SHISA6: variants seen among roughly 807,000 people sequenced by gnomAD.
SHISA6 encodes the protein protein shisa-6.
In SHISA6, 22 loss-of-function variants were observed where a neutral mutation model predicts 47.9. That is an observed-to-expected ratio of 0.46 (90% confidence interval 0.33 to 0.66). SHISA6 has a LOEUF of 0.66. Ranked by LOEUF, SHISA6 falls within the 30% of genes least tolerant of loss-of-function variation. The probability of loss-of-function intolerance (pLI) is 0.02; values close to 1 mark genes in which losing one functional copy is unlikely to be tolerated. For missense variants in SHISA6, 680 were observed against 764.6 expected, an observed-to-expected ratio of 0.89 and a Z score of 1.30; for synonymous variants, 388 against 337.8, an observed-to-expected ratio of 1.15 and a Z score of -1.63.
chr17:11,557,141 G>T (rs186705670), intron 5 of SHISA6, among the ~76,000 whole-genome samples: 2 of 152,302 alleles, frequency 1.3e-5, no homozygotes, highest in African/African-American at 2.4e-5. Context: ...CTTTCTATGC[G>T]TTGCCTGTTA....
chr17:11,411,450 G>A (rs1356732381), intron 3 of SHISA6, among the ~76,000 whole-genome samples: 1 of 151,914 alleles, frequency 6.6e-6, no homozygotes, highest in Non-Finnish European at 1.5e-5. Context: ...AGGCTGGAGT[G>A]CAGTGGCGTG....
chr17:11,273,651 C>T (rs917978988), intron 2 of SHISA6, among the ~76,000 whole-genome samples: 15 of 152,296 alleles, frequency 9.8e-5, no homozygotes, highest in Admixed American at 4.6e-4. Flanking sequence ...TAGGAGCCTT[C>T]ATTATCATAG....
chr17:11,493,204 A>G (rs962344868), intron 3 of SHISA6, among the ~76,000 whole-genome samples: 5 of 152,126 alleles, frequency 3.3e-5, no homozygotes, highest in African/African-American at 1.2e-4. Context: ...CCTAAAAGGA[A>G]ATAATGCAAC....
At chr17:11,384,405 G>T (rs1250539429) in intron 3 of SHISA6, among the ~76,000 whole-genome samples, 3 of 152,238 alleles carry the variant, frequency 2.0e-5, no homozygotes, top group Non-Finnish European at 2.9e-5. Flanking sequence ...GGCAGGGACT[G>T]CCCTTCCTGG....
At chr17:11,259,702 T>G (rs1908152952) in intron 1 of SHISA6, among the ~76,000 whole-genome samples, 1 of 152,186 alleles carries the variant, frequency 6.6e-6, no homozygotes. Context: ...AAATACATAA[T>G]TGGTATTGAA....
At chr17:11,435,076 T>C (rs1185609338) in intron 3 of SHISA6, among the ~76,000 whole-genome samples, 1 of 152,122 alleles carries the variant, frequency 6.6e-6, no homozygotes, top group Non-Finnish European at 1.5e-5. Context: ...GATTAGTGTC[T>C]TAAAAAAAGA....
intron 2 of SHISA6, among the ~76,000 whole-genome samples, chr17:11,335,070 T>TG (rs1232073816): frequency 6.6e-6 from 1 of 152,226 alleles, no homozygotes; most frequent in Non-Finnish European, 1.5e-5. Flanking sequence ...GTAGGACACG[T>TG]GGAAGAATGT....
intron 2 of SHISA6, among the ~76,000 whole-genome samples, chr17:11,320,713 C>G (rs897174400): frequency 2.0e-5 from 3 of 151,800 alleles, no homozygotes; most frequent in Non-Finnish European, 4.4e-5. Context: ...GGAGGAGGAG[C>G]AGCAGCAGCC....
intron 3 of SHISA6, among the ~76,000 whole-genome samples, chr17:11,421,913 G>A (rs1411320275): frequency 6.6e-6 from 1 of 152,154 alleles, no homozygotes; most frequent in Admixed American, 6.6e-5. Flanking sequence ...AGCACAGTTG[G>A]TTGCTCAGTT....
intron 2 of SHISA6, among the ~76,000 whole-genome samples, chr17:11,269,744 A>G (rs138850055): frequency 1.5e-4 from 23 of 152,140 alleles, no homozygotes; most frequent in African/African-American, 5.3e-4. Flanking sequence ...AGCCCTATGG[A>G]GATGGTGAGA....
chr17:11,414,067 T>C (rs1914212007), intron 3 of SHISA6, among the ~76,000 whole-genome samples: 1 of 151,350 alleles, frequency 6.6e-6, no homozygotes, highest in Non-Finnish European at 1.5e-5. Flanking sequence ...TTCCTCTTCC[T>C]CCCCTCTTCT....
chr17:11,330,260 G>A (rs1455292784), intron 2 of SHISA6, among the ~76,000 whole-genome samples: 2 of 152,076 alleles, frequency 1.3e-5, no homozygotes, highest in African/African-American at 4.8e-5. Flanking sequence ...CTGGAGGAGG[G>A]GGAGACAATC....
intron 2 of SHISA6, among the ~76,000 whole-genome samples, chr17:11,294,126 C>T (rs571373990): frequency 1.0e-3 from 156 of 152,216 alleles, no homozygotes; most frequent in African/African-American, 3.7e-3. Flanking sequence ...CCTCGTGATC[C>T]ACTCACCTCG....
chr17:11,242,067 G>A lies in SHISA6; in HGVS notation c.638+7G>A. Reference sequence around the variant, plus strand: ...GGGAGATGAACATCCACAGGTGAGAGCGCCGCGTGCCGCGCGCCCCGGTCT... The same window carrying A: ...GGGAGATGAACATCCACAGGTGAGAACGCCGCGTGCCGCGCGCCCCGGTCT... On this transcript the variant is annotated splice_region_variant and intron_variant, in intron 1 of 5. Transcript: ENST00000441885. 1 of 1,549,726 alleles carries A rather than the reference G, an allele frequency of 6.5e-7. No homozygotes were observed. The highest frequency in any genetic ancestry group is 8.7e-7 in the Non-Finnish European group (1 of 1,146,978).
At chr17:11,420,141 T>A (rs1485148743) in intron 3 of SHISA6, among the ~76,000 whole-genome samples, 1 of 152,108 alleles carries the variant, frequency 6.6e-6, no homozygotes, top group African/African-American at 2.4e-5. Flanking sequence ...AAGGCAGAGG[T>A]TGCAGTGAGC....
intron 2 of SHISA6, among the ~76,000 whole-genome samples, chr17:11,324,463 C>T (rs1910808700): frequency 6.6e-6 from 1 of 152,200 alleles, no homozygotes; most frequent in South Asian, 2.1e-4. Context: ...CAGACAGGGC[C>T]CCTGACCTCG....
intron 3 of SHISA6, among the ~76,000 whole-genome samples, chr17:11,484,064 A>C (rs1213805567): frequency 6.6e-6 from 1 of 152,210 alleles, no homozygotes; most frequent in Admixed American, 6.5e-5. Context: ...TATTTACAAA[A>C]ATTAACCATA....
intron 2 of SHISA6, among the ~76,000 whole-genome samples, chr17:11,294,588 T>A (rs1351929573): frequency 6.6e-6 from 1 of 152,136 alleles, no homozygotes; most frequent in Admixed American, 6.6e-5. Context: ...CAATATATAT[T>A]TTTTTCATAG....
chr17:11,349,630 G>T (rs974607443), intron 2 of SHISA6, among the ~76,000 whole-genome samples: 19 of 152,194 alleles, frequency 1.2e-4, no homozygotes, highest in African/African-American at 4.6e-4. Context: ...ACGCGTGAAT[G>T]TGTAAGTCAG....
Sources: gnomAD v4.1 joint callset for allele counts (sites outside exome capture counted in the v4.1 genomes callset) on GRCh38, gnomAD v4.1.1 for gene constraint, MANE v1.5 for transcripts, NCBI Gene and HGNC (gene_info 2026-07-23, HGNC 2026-07-21) for gene names.